Variants in CHODL observed in about 807,000 individuals in gnomAD.
CHODL encodes chondrolectin, also known as transmembrane protein MT75.
In CHODL, 29 loss-of-function variants were observed where a neutral mutation model predicts 34.5. The observed-to-expected ratio is 0.84, with a 90% CI of 0.63 to 1.15. The LOEUF (loss-of-function observed/expected upper bound fraction) is 1.15, where lower values mean the gene tolerates loss of function less well. Ranked by LOEUF, CHODL falls within the 50% of genes most tolerant of loss-of-function variation. The pLI is 0.00. For synonymous variants in CHODL, 125 were observed against 116.1 expected, an observed-to-expected ratio of 1.08 and a Z score of -0.49; for missense variants, 332 against 332.5, an observed-to-expected ratio of 1.00 and a Z score of 0.01.
At chr21:18,197,308 T>C in intron 2 of CHODL, among the ~76,000 whole-genome samples, 1 of 152,156 alleles carries the variant, frequency 6.6e-6, no homozygotes, top group East Asian at 1.9e-4. Context: ...ATAGTGCCAA[T>C]TAGCTTAAAA....
intron 2 of CHODL, among the ~76,000 whole-genome samples, chr21:18,163,145 G>A (rs2073116176): frequency 6.6e-6 from 1 of 152,116 alleles, no homozygotes; most frequent in Non-Finnish European, 1.5e-5. Flanking sequence ...TTTTGTACAT[G>A]GATTTTGGTA....
intron 2 of CHODL, among the ~76,000 whole-genome samples, chr21:18,199,786 G>C (rs918245205): frequency 6.6e-6 from 1 of 152,036 alleles, no homozygotes. Flanking sequence ...TTAAGAGCTT[G>C]TTTCTTTTTA....
chr21:18,234,245 T>A (rs2146760229), intron 2 of CHODL, among the ~76,000 whole-genome samples: 1 of 152,250 alleles, frequency 6.6e-6, no homozygotes, highest in South Asian at 2.1e-4. Context: ...GCCGGATGAA[T>A]GTAGCCTATT....
chr21:17,992,116 T>A (rs1009144804), intron 1 of CHODL, among the ~76,000 whole-genome samples: 4 of 152,156 alleles, frequency 2.6e-5, no homozygotes, highest in African/African-American at 9.6e-5. Context: ...GTGCCTTTGT[T>A]GAAAATAAGT....
At chr21:17,969,801 T>A (rs1459964339) in intron 1 of CHODL, among the ~76,000 whole-genome samples, 1 of 152,198 alleles carries the variant, frequency 6.6e-6, no homozygotes, top group East Asian at 1.9e-4. Flanking sequence ...AGCTTCAATG[T>A]CCTAAAGGTG....
intron 2 of CHODL, among the ~76,000 whole-genome samples, chr21:18,215,070 A>T (rs73204805): frequency 0.052 from 7,982 of 152,212 alleles, 308 homozygotes; most frequent in Middle Eastern, 0.082. Context: ...TTCACAAAGA[A>T]GGTACTTTGT....
At chr21:18,246,848 C>T (rs2074147843) in intron 1 of CHODL, among the ~76,000 whole-genome samples, 1 of 152,068 alleles carries the variant, frequency 6.6e-6, no homozygotes, top group South Asian at 2.1e-4. Context: ...TCTATGAGTA[C>T]ATAATTTTTT....
intron 2 of CHODL, among the ~76,000 whole-genome samples, chr21:18,120,210 A>G (rs1242063847): frequency 6.6e-6 from 1 of 152,102 alleles, no homozygotes; most frequent in Admixed American, 6.6e-5. Context: ...TGTCCAACAT[A>G]AAGTTATTTT....
chr21:17,992,727 T>G (rs2063808767), intron 1 of CHODL, among the ~76,000 whole-genome samples: 1 of 84,256 alleles, frequency 1.2e-5, no homozygotes, highest in African/African-American at 3.4e-5. Context: ...TGTTTTTTTT[T>G]TTTTTTTTTT....
chr21:18,224,515 G>A (rs1218848569), intron 2 of CHODL, among the ~76,000 whole-genome samples: 1 of 152,060 alleles, frequency 6.6e-6, no homozygotes, highest in Non-Finnish European at 1.5e-5. Context: ...TTTTTGCACA[G>A]GTGTCCAAAA....
At chr21:18,192,790 C>T (rs2073526256) in intron 2 of CHODL, among the ~76,000 whole-genome samples, 1 of 152,102 alleles carries the variant, frequency 6.6e-6, no homozygotes, top group Admixed American at 6.5e-5. Flanking sequence ...TAAATCTACT[C>T]ACTTCATCTT....
chr21:17,918,857 C>T (rs1333260314), intron 1 of CHODL, among the ~76,000 whole-genome samples: 1 of 152,196 alleles, frequency 6.6e-6, no homozygotes, highest in Non-Finnish European at 1.5e-5. Context: ...AATGGCGGTA[C>T]AGGAATTGGG....
chr21:17,929,687 G>C (rs1378155844), intron 1 of CHODL, among the ~76,000 whole-genome samples: 3 of 152,164 alleles, frequency 2.0e-5, no homozygotes, highest in African/African-American at 7.2e-5. Context: ...GAACCCCCCG[G>C]GGCCTCCAGT....
intron 2 of CHODL, among the ~76,000 whole-genome samples, chr21:18,122,505 C>A (rs894737827): frequency 2.6e-5 from 4 of 151,708 alleles, no homozygotes; most frequent in Non-Finnish European, 5.9e-5. Flanking sequence ...ATGTCTGGCA[C>A]CTAAAAAACA....
rs754372978 is a variant in CHODL, at chr21:18,245,194, C to T, written c.-30C>T. The T allele has an allele frequency of 2.0e-6, 3 of 1,512,240 alleles. No individual in the cohort carries two copies. The highest frequency in any genetic ancestry group is 2.0e-5 in the Admixed American group (1 of 49,832). 93.7% of individuals were successfully genotyped at this position (1,512,240 alleles called of 1,614,324 possible). ...CTGGGCAGAGGCCGCCCTCGCTCCA[C>T]GCAACACCTGCTGCTGCCACCGCGC... On this transcript the variant is annotated 5_prime_UTR_variant, in exon 1 of 6. In the 5' UTR this introduces an upstream ATG that the reference lacks. Coordinates refer to ENST00000299295, the MANE Select transcript of CHODL (RefSeq NM_024944.3).
intron 1 of CHODL, among the ~76,000 whole-genome samples, chr21:18,008,414 A>G (rs1362464775): frequency 1.3e-5 from 2 of 152,126 alleles, no homozygotes; most frequent in Admixed American, 1.3e-4. Context: ...GGTACTATAC[A>G]GTAGATCTCT....
In CHODL at chr21:17,926,375, G is replaced by GTTTTTTTTTTTTTTTTTT. The variant is rs767844049; in HGVS notation, c.-145+8975_-145+8976insTTTTTTTTTTTTTTTTTT. Reference sequence around the variant, plus strand: ...CTGAGGGTAACAAATAAATAAGGTGGGTTTTTTTTTTTTTTTTCCTGAAGT... The same window carrying GTTTTTTTTTTTTTTTTTT: ...CTGAGGGTAACAAATAAATAAGGTGGTTTTTTTTTTTTTTTTTTGTTTTTTTTTTTTTTTTCCTGAAGT... On this transcript the variant is annotated intron_variant, in intron 1 of 6. Coordinates refer to the CHODL transcript ENST00000400127. Among the ~76,000 whole-genome samples the GTTTTTTTTTTTTTTTTTT allele has an allele frequency of 6.6e-5, 4 of 60,540 alleles. 2 individuals are homozygous for GTTTTTTTTTTTTTTTTTT. The highest frequency in any genetic ancestry group is 1.7e-4 in the Non-Finnish European group (4 of 23,318). 39.7% of individuals were successfully genotyped at this position (60,540 alleles called of 152,430 possible).
At chr21:18,163,370 A>G (rs1211665066) in intron 2 of CHODL, among the ~76,000 whole-genome samples, 1 of 152,176 alleles carries the variant, frequency 6.6e-6, no homozygotes, top group Non-Finnish European at 1.5e-5. Flanking sequence ...AACATTTGGA[A>G]ATATTGGACT....
At chr21:17,973,571 C>T (rs778591526) in intron 1 of CHODL, among the ~76,000 whole-genome samples, 2 of 149,934 alleles carry the variant, frequency 1.3e-5, no homozygotes, top group Non-Finnish European at 3.0e-5. Flanking sequence ...CGCCCACCAC[C>T]ATGCCCAGCT....
Sources: allele counts gnomAD v4.1 joint callset (sites outside exome capture counted in the v4.1 genomes callset), GRCh38; gene constraint gnomAD v4.1.1; transcripts MANE v1.5; gene names NCBI Gene and HGNC (gene_info 2026-07-23, HGNC 2026-07-21).